Variants in GTF2IRD1 observed in about 807,000 individuals in gnomAD.
GTF2IRD1 encodes general transcription factor II-I repeat domain-containing protein 1.
A neutral mutation model predicts 113.2 loss-of-function variants in GTF2IRD1; 26 were observed. The observed-to-expected ratio is 0.23, with a 90% CI of 0.17 to 0.32. The LOEUF (loss-of-function observed/expected upper bound fraction) is 0.32, where lower values mean the gene tolerates loss of function less well. Ranked by LOEUF, GTF2IRD1 falls within the 10% of genes least tolerant of loss-of-function variation. The pLI, the probability that GTF2IRD1 is intolerant of heterozygous loss-of-function variation, is 1.00. For synonymous variants in GTF2IRD1, 484 were observed against 529.1 expected (o/e 0.91, Z 1.17); for missense variants, 864 against 1,280.8 (o/e 0.67, Z 4.97).
In GTF2IRD1 at chr7:74,545,822, TGGGACA is replaced by T. The variant is rs2130658849; in HGVS notation, c.1732+17_1732+22del. On this transcript the variant is annotated intron_variant, in intron 16 of 26. Coordinates refer to ENST00000424337, the MANE Select transcript of GTF2IRD1 (RefSeq NM_005685.4). Reference sequence around the variant, plus strand: ...AACACACGATACGGTGAGCAAGAAGTGGGACAGGGTCTGGGGGCATCCCGGCCCCCC... The same window carrying T: ...AACACACGATACGGTGAGCAAGAAGTGGGTCTGGGGGCATCCCGGCCCCCC... 6.2e-7 allele frequency: 1 copy of T among 1,604,924 alleles called. No homozygotes were observed. Among genetic ancestry groups the T allele is most frequent in the Non-Finnish European group, 8.5e-7 (1 of 1,171,730 alleles).
At chr7:74,564,136 C>T (rs2130817091) in intron 22 of GTF2IRD1, among the ~76,000 whole-genome samples, 1 of 152,258 alleles carries the variant, frequency 6.6e-6, no homozygotes, top group Middle Eastern at 3.4e-3. Context: ...AAGCGATTCG[C>T]CTGCCTCAGC....
At chr7:74,515,326 G>A (rs782127837) in intron 3 of GTF2IRD1, 115 bp from the exon 4 acceptor site, 13 of 1,527,214 alleles carry the variant, frequency 8.5e-6, no homozygotes, top group South Asian at 6.0e-5. Flanking sequence ...ATTCACTTGT[G>A]TATCACATTG....
chr7:74,588,211 A>G (rs1554368450), intron 22 of GTF2IRD1, among the ~76,000 whole-genome samples: 1 of 148,030 alleles, frequency 6.8e-6, no homozygotes, highest in Non-Finnish European at 1.5e-5. Context: ...GGGTTCAAGC[A>G]GTTCTCCTGT....
At chr7:74,559,327 C>T (rs782716914) in intron 21 of GTF2IRD1, among the ~76,000 whole-genome samples, 1 of 152,188 alleles carries the variant, frequency 6.6e-6, no homozygotes, top group Non-Finnish European at 1.5e-5. Flanking sequence ...CCCCAGCCCC[C>T]GGGAAAGGTA....
chr7:74,492,764 A>G (rs974774114), intron 1 of GTF2IRD1, among the ~76,000 whole-genome samples: 1 of 151,650 alleles, frequency 6.6e-6, no homozygotes, highest in South Asian at 2.1e-4. Flanking sequence ...CTCCCTCCAG[A>G]GGCTCTCGGG....
intron 1 of GTF2IRD1, among the ~76,000 whole-genome samples, chr7:74,472,893 G>A (rs1327180134): frequency 6.6e-6 from 1 of 152,232 alleles, no homozygotes; most frequent in African/African-American, 2.4e-5. Context: ...GCCCAAGCTG[G>A]CCCCACAGCT....
At chr7:74,523,960 T>C in intron 7 of GTF2IRD1, 111 bp from the exon 8 acceptor site, 1 of 724,148 alleles carries the variant, frequency 1.4e-6, no homozygotes, top group Non-Finnish European at 2.5e-6. Context: ...GACTGGGGGC[T>C]GGGGCCGGCC....
chr7:74,547,439 C>CTTTTT (rs782144976), intron 17 of GTF2IRD1, among the ~76,000 whole-genome samples, 153 bp downstream of exon 17: 3 of 111,202 alleles, frequency 2.7e-5, no homozygotes, highest in Non-Finnish European at 5.3e-5. Flanking sequence ...CATGCCCAGC[C>CTTTTT]TTTTTTTTTT....
Position 74,515,478 on chromosome 7 carries a change from C to T in GTF2IRD1, c.303C>T (p.Pro101=). 6.2e-7 allele frequency: 1 copy of T among 1,608,134 alleles called. No individual in the cohort carries two copies. Among genetic ancestry groups the T allele is most frequent in the Non-Finnish European group, 8.5e-7 (1 of 1,176,808 alleles). ...PPWKDPEAEH[P]KKVQRGEGGG... ...GGAAGGATCCGGAGGCAGAGCACCCCAAGAAGGTGCAGCGGGGCGAGGGTG... is the reference window on the plus strand; with the variant it reads ...GGAAGGATCCGGAGGCAGAGCACCCTAAGAAGGTGCAGCGGGGCGAGGGTG... Residue 101 remains proline (P), a synonymous_variant, in exon 4 of 27, where the codon CCC becomes CCT. Transcript: ENST00000424337.
At chr7:74,521,020 C>G (rs1797263203) in intron 6 of GTF2IRD1, among the ~76,000 whole-genome samples, 188 bp from the exon 7 acceptor site, 1 of 151,998 alleles carries the variant, frequency 6.6e-6, no homozygotes, top group Non-Finnish European at 1.5e-5. Context: ...CTAGCAGATT[C>G]TGGTGCAGAA....
intron 23 of GTF2IRD1, among the ~76,000 whole-genome samples, chr7:74,590,271 A>G (rs1801979502): frequency 2.0e-5 from 3 of 150,044 alleles, no homozygotes; most frequent in South Asian, 4.2e-4. Context: ...AGTAGAGACA[A>G]GGTTTCACTA....
At chr7:74,578,601 A>G (rs1801223651) in intron 22 of GTF2IRD1, among the ~76,000 whole-genome samples, 2 of 148,842 alleles carry the variant, frequency 1.3e-5, no homozygotes. Flanking sequence ...TCATGGCTCT[A>G]TAATCTTCCA....
intron 1 of GTF2IRD1, among the ~76,000 whole-genome samples, chr7:74,468,216 G>A (rs548159794): frequency 6.6e-6 from 1 of 152,230 alleles, no homozygotes; most frequent in Admixed American, 6.5e-5. Context: ...TAAATATTAA[G>A]CCAGGTCAGG....
Position 74,518,140 on chromosome 7 carries a change from C to A in GTF2IRD1, c.423C>A (p.Ser141Arg). The A allele has an allele frequency of 6.4e-7, 1 of 1,567,138 alleles. No individual in the cohort carries two copies. The change falls in exon 5 of 27, where the codon AGC becomes AGA. Residue 141 changes from serine to arginine, a missense_variant and splice_region_variant. This residue lies in a region of GTF2IRD1 where 182 missense variants were observed against 266.6 expected (regional missense o/e 0.68). Coordinates refer to ENST00000424337, the MANE Select transcript of GTF2IRD1 (RefSeq NM_005685.4). ...MVEEVFDVLY[S>R]EALGRASVVP... The stretch of plus-strand genomic sequence containing the variant: ...CCTCTCCTGGACTCTCCCCTACAGG[C>A]GAGGCCCTGGGAAGGGCCAGTGTGG...
intron 19 of GTF2IRD1, among the ~76,000 whole-genome samples, chr7:74,557,289 C>T (rs782539731): frequency 1.3e-5 from 2 of 152,192 alleles, no homozygotes; most frequent in Non-Finnish European, 2.9e-5. Flanking sequence ...TCTCCAGCCC[C>T]CTAGTGACTT....
At chr7:74,567,078 C>T (rs1800364773) in intron 22 of GTF2IRD1, among the ~76,000 whole-genome samples, 1 of 152,158 alleles carries the variant, frequency 6.6e-6, no homozygotes, top group Admixed American at 6.6e-5. Flanking sequence ...GCCTGTAATC[C>T]TAGCACTTTG....
At chr7:74,565,592 G>A (rs1331564406) in intron 22 of GTF2IRD1, among the ~76,000 whole-genome samples, 1 of 152,130 alleles carries the variant, frequency 6.6e-6, no homozygotes, top group Non-Finnish European at 1.5e-5. Context: ...CTGGGAAGAA[G>A]CGGTGGTGAC....
At chr7:74,542,469 G>T (rs1798687326) in intron 14 of GTF2IRD1, among the ~76,000 whole-genome samples, 1 of 152,192 alleles carries the variant, frequency 6.6e-6, no homozygotes, top group African/African-American at 2.4e-5. Context: ...AGGAAAAATT[G>T]ATTGTGCTTT....
chr7:74,575,469 G>T (rs1266617643), intron 22 of GTF2IRD1, among the ~76,000 whole-genome samples: 1 of 152,196 alleles, frequency 6.6e-6, no homozygotes. Context: ...AGGGTAACAG[G>T]ATCCAGCTTG....
Sources: gnomAD v4.1 joint callset for allele counts (sites outside exome capture counted in the v4.1 genomes callset) on GRCh38, gnomAD v4.1.1 for gene constraint, gnomAD v4.1.1 regional missense constraint, MANE v1.5 for transcripts, NCBI Gene and HGNC (gene_info 2026-07-23, HGNC 2026-07-21) for gene names.